MPP3: variants seen among roughly 807,000 people sequenced by gnomAD.
MPP3 encodes the protein MAGUK p55 subfamily member 3.
In MPP3, 48 loss-of-function variants were observed where a neutral mutation model predicts 80.7. The ratio of observed to expected loss-of-function variants is 0.59; its 90% confidence interval spans 0.47 to 0.76. The LOEUF is 0.76. MPP3 is among the 30% of genes least tolerant of loss of function. The probability of loss-of-function intolerance (pLI) is 0.00; values close to 1 mark genes in which losing one functional copy is unlikely to be tolerated. For missense variants in MPP3, 620 were observed against 763.0 expected (o/e 0.81, Z 2.21); for synonymous variants, 311 against 297.6 (o/e 1.04, Z -0.46).
chr17:43,815,638 T>C, intron 14 of MPP3: 2 of 320,112 alleles, frequency 6.2e-6, no homozygotes, highest in South Asian at 5.2e-5. Context: ...AAAAACTTTT[T>C]GCCTATCTCT....
Position 43,831,331 on chromosome 17 carries a change from C to G in MPP3, c.145-10G>C, listed in dbSNP as rs1567832216. ...GAAGCTTCTCATGAATCTGCAAAGACAGAGTATTTCAGATGCACCCTGGAC... is the reference window on the plus strand; with the variant it reads ...GAAGCTTCTCATGAATCTGCAAAGAGAGAGTATTTCAGATGCACCCTGGAC... On this transcript the variant is annotated splice_polypyrimidine_tract_variant and intron_variant, in intron 4 of 19. Coordinates refer to ENST00000398389, the MANE Select transcript of MPP3 (RefSeq NM_001932.6). 2 of 1,613,336 alleles carry G rather than the reference C, an allele frequency of 1.2e-6. No homozygotes were observed. Among genetic ancestry groups the G allele is most frequent in the East Asian group, 4.5e-5 (2 of 44,866 alleles).
At chr17:43,810,333 C>T (rs1335247320) in intron 18 of MPP3, among the ~76,000 whole-genome samples, 1 of 152,108 alleles carries the variant, frequency 6.6e-6, no homozygotes, top group East Asian at 1.9e-4. Context: ...CTTCCCAGGG[C>T]CGTGTCTCCC....
At chr17:43,807,203 C>T (rs1019685115) in intron 19 of MPP3, among the ~76,000 whole-genome samples, 3 of 151,126 alleles carry the variant, frequency 2.0e-5, no homozygotes, top group Non-Finnish European at 3.0e-5. Context: ...GAATTCCTGA[C>T]GTCAGGTGAT....
intron 8 of MPP3, among the ~76,000 whole-genome samples, chr17:43,827,077 G>A (rs952043750): frequency 2.0e-5 from 3 of 151,842 alleles, no homozygotes; most frequent in South Asian, 2.1e-4. Context: ...GCGCAATGGC[G>A]CGATCTCGGC....
chr17:43,806,167 A>G (rs2044604717), intron 19 of MPP3, among the ~76,000 whole-genome samples: 1 of 151,532 alleles, frequency 6.6e-6, no homozygotes, highest in Non-Finnish European at 1.5e-5. Flanking sequence ...TTATTTATTT[A>G]ATTAATTTAT....
At chr17:43,810,612 G>T (rs1170725364) in intron 18 of MPP3, among the ~76,000 whole-genome samples, 195 bp downstream of exon 18, 1 of 152,190 alleles carries the variant, frequency 6.6e-6, no homozygotes, top group Non-Finnish European at 1.5e-5. Context: ...AATTAATGCA[G>T]CATTTGTGGA....
At chr17:43,827,886 C>A (rs981533290) in intron 7 of MPP3, 54 bp from the exon 8 acceptor site, 7 of 1,557,940 alleles carry the variant, frequency 4.5e-6, no homozygotes, top group Non-Finnish European at 6.2e-6. Context: ...AAACCTCAGA[C>A]CCCTACTCTC....
At chr17:43,830,003 TG>T in intron 6 of MPP3, 23 bp downstream of exon 6, 1 of 1,606,366 alleles carries the variant, frequency 6.2e-7, no homozygotes. Flanking sequence ...GAGGCATGGC[TG>T]GGCAGGGGCT....
At chr17:43,814,572 G>A (rs1351232442) in intron 14 of MPP3, 7 of 470,800 alleles carry the variant, frequency 1.5e-5, no homozygotes, top group East Asian at 3.3e-5. Flanking sequence ...AGGGCTTAAG[G>A]TCACTGTTTT....
chr17:43,814,855 G>T (rs1207785793), intron 14 of MPP3, among the ~76,000 whole-genome samples: 5 of 152,190 alleles, frequency 3.3e-5, no homozygotes, highest in Non-Finnish European at 7.3e-5. Context: ...GAGAGATTTA[G>T]GGTTAAAGGG....
chr17:43,829,667 T>A lies in MPP3; in HGVS notation c.428A>T (p.Asn143Ile). The A allele has an allele frequency of 6.2e-7, 1 of 1,613,924 alleles. No individual in the cohort carries two copies. Among genetic ancestry groups the A allele is most frequent in the African/African-American group, 1.3e-5 (1 of 74,994 alleles). Residue 143 changes from asparagine (N) to isoleucine (I), a missense_variant, in exon 7 of 20, where the codon AAC becomes ATC. Asn to Ile is a moderately radical substitution (Grantham distance 149). Coordinates refer to ENST00000398389, the MANE Select transcript of MPP3 (RefSeq NM_001932.6). ...ESVKIVRLVK[N>I]KEPLGATIRR... ...AGCAGCACCTACCAGGGGTTCCTTG[T>A]TCTTCACCAAGCGGACGATCTTCAC...
At chr17:43,804,493 A>G (rs2044534510) in intron 19 of MPP3, among the ~76,000 whole-genome samples, 2 of 152,320 alleles carry the variant, frequency 1.3e-5, no homozygotes, top group East Asian at 3.9e-4. Flanking sequence ...TCCACATGCA[A>G]AGAATGAAGT....
Position 43,810,916 on chromosome 17 carries a change from C to T in MPP3, c.1350-1G>A. 2 of 1,597,260 alleles carry T rather than the reference C, an allele frequency of 1.3e-6. No individual in the cohort carries two copies. The highest frequency in any genetic ancestry group is 1.7e-6 in the Non-Finnish European group (2 of 1,173,382). ...CTTATATTCACCATGTTCCAGGAAC[C>T]TAAAACACCACCAAAGGGGAAAAGG... On this transcript the variant is annotated splice_acceptor_variant, in intron 17 of 19. Transcript: ENST00000398389. LOFTEE classifies it high-confidence loss of function.
intron 10 of MPP3, among the ~76,000 whole-genome samples, chr17:43,822,925 T>C (rs1049804743): frequency 2.0e-5 from 3 of 152,056 alleles, no homozygotes; most frequent in Non-Finnish European, 4.4e-5. Context: ...AGTTGGTATA[T>C]AGATCGCCCA....
At position 43,801,674 on chromosome 17, in the gene MPP3, G is replaced by A. The variant is rs781608404; in HGVS notation, c.*27C>T. On this transcript the variant is annotated 3_prime_UTR_variant, in exon 20 of 20. Transcript: ENST00000398389. Reference sequence around the variant, plus strand: ...TGGACTAGATGATCTTCAAGGTCCCGTCCAGCTTGGATGTTCTGGGATAAA... The same window carrying A: ...TGGACTAGATGATCTTCAAGGTCCCATCCAGCTTGGATGTTCTGGGATAAA... 1.9e-5 allele frequency: 30 copies of A among 1,610,334 alleles called. No individual in the cohort carries two copies. Among genetic ancestry groups the A allele is most frequent in the African/African-American group, 1.7e-4 (13 of 74,852 alleles).
In MPP3 at chr17:43,822,072, T is replaced by A. The variant is rs142134180; in HGVS notation, c.685-1014A>T. Among the ~76,000 whole-genome samples, 608 of 152,308 alleles carry A rather than the reference T, an allele frequency of 4.0e-3. 7 individuals carry two copies. Among genetic ancestry groups the A allele is most frequent in the African/African-American group, 0.014 (582 of 41,552 alleles). ...CATTTTGTCCTTTAGGAAAACCAAG[T>A]TCTCTTCCTCAAAGAGGTTTCCTCA... On this transcript the variant is annotated intron_variant, in intron 10 of 19. Coordinates refer to ENST00000398389, the MANE Select transcript of MPP3 (RefSeq NM_001932.6).
At position 43,830,030 on chromosome 17, in the gene MPP3, C is replaced by T. The variant is rs2045892218; in HGVS notation, c.300G>A (p.Leu100=). 1 of 1,603,280 alleles carries T rather than the reference C, an allele frequency of 6.2e-7. No homozygotes were observed. The highest frequency in any genetic ancestry group is 1.3e-5 in the African/African-American group (1 of 74,652). ...ELLQLLSTPH[L]RAVLMVHDTV... ...GGCAGGGGCTCTGTGTGACTACCCT[C>T]AGGTGCGGGGTGGACAGCAGCTGGA... Residue 100 remains leucine (L), a synonymous_variant, in exon 6 of 20, where the codon CTG becomes CTA. Transcript: ENST00000398389.
chr17:43,820,224 C>T (rs1008802178), intron 11 of MPP3, among the ~76,000 whole-genome samples: 3 of 152,078 alleles, frequency 2.0e-5, no homozygotes, highest in African/African-American at 4.8e-5. Flanking sequence ...GGATTACAGG[C>T]GTGAGTCATC....
At chr17:43,809,500 C>T (rs1028737049) in intron 18 of MPP3, among the ~76,000 whole-genome samples, 2 of 152,190 alleles carry the variant, frequency 1.3e-5, no homozygotes, top group African/African-American at 4.8e-5. Flanking sequence ...TGTGCTATTA[C>T]ATCTCCTCTT....
Sources: gnomAD v4.1 joint callset for allele counts (sites outside exome capture counted in the v4.1 genomes callset) on GRCh38, gnomAD v4.1.1 for gene constraint, MANE v1.5 for transcripts, NCBI Gene and HGNC (gene_info 2026-07-23, HGNC 2026-07-21) for gene names.